Variants in TPST1 observed in about 807,000 individuals in gnomAD.
The protein encoded by TPST1 is protein-tyrosine sulfotransferase 1.
Under a neutral mutation model 34.8 loss-of-function variants are expected in TPST1, and 20 were observed. That is an observed-to-expected ratio of 0.57 (90% CI 0.40 to 0.84). The LOEUF is 0.84. Among genes scored for constraint, TPST1 ranks in the 40% least tolerant of loss-of-function variants. The pLI, the probability that TPST1 is intolerant of heterozygous loss-of-function variation, is 0.00. For synonymous variants in TPST1, 152 were observed against 159.4 expected (o/e 0.95, Z 0.35); for missense variants, 353 against 455.5 (o/e 0.78, Z 2.05).
At chr7:66,208,577 T>G (rs1789180038) in intron 1 of TPST1, among the ~76,000 whole-genome samples, 1 of 152,146 alleles carries the variant, frequency 6.6e-6, no homozygotes, top group Admixed American at 6.6e-5. Context: ...TGAGTGATTC[T>G]CGTACCTCAG....
intron 2 of TPST1, among the ~76,000 whole-genome samples, chr7:66,284,534 A>G (rs1790994818): frequency 6.8e-6 from 1 of 147,012 alleles, no homozygotes; most frequent in African/African-American, 2.5e-5. Context: ...GCCTTATCTA[A>G]TTGGCCACTG....
At chr7:66,214,376 T>C (rs946677670) in intron 1 of TPST1, among the ~76,000 whole-genome samples, 3 of 151,060 alleles carry the variant, frequency 2.0e-5, no homozygotes, top group African/African-American at 7.3e-5. Context: ...TATTTACTAA[T>C]TTTTTTGTAA....
intron 3 of TPST1, among the ~76,000 whole-genome samples, chr7:66,305,749 G>A (rs1033423153): frequency 2.0e-5 from 3 of 152,226 alleles, no homozygotes; most frequent in Admixed American, 6.5e-5. Flanking sequence ...CAGCTGCTGC[G>A]AGTTTTCTTT....
chr7:66,355,552 T>A (rs994460587), intron 4 of TPST1, among the ~76,000 whole-genome samples: 5 of 151,782 alleles, frequency 3.3e-5, no homozygotes, highest in East Asian at 1.9e-4. Flanking sequence ...AATTTTTTTT[T>A]AAATTGGGCA....
At chr7:66,269,796 G>A (rs6945843) in intron 2 of TPST1, among the ~76,000 whole-genome samples, 88,355 of 151,836 alleles carry the variant, frequency 0.58, 25,918 homozygotes, top group African/African-American at 0.64. Flanking sequence ...CCAAGAGCTG[G>A]GATGTAGGAA....
At chr7:66,331,698 A>G (rs1451862768) in intron 3 of TPST1, among the ~76,000 whole-genome samples, 2 of 152,058 alleles carry the variant, frequency 1.3e-5, no homozygotes, top group Non-Finnish European at 2.9e-5. Flanking sequence ...TTTACTAAAA[A>G]CTTAAGGCTT....
At chr7:66,343,252 A>G (rs1157665390) in intron 3 of TPST1, among the ~76,000 whole-genome samples, 2 of 152,228 alleles carry the variant, frequency 1.3e-5, no homozygotes, top group Non-Finnish European at 2.9e-5. Flanking sequence ...TGTGATTGTA[A>G]CAACGTGGGT....
chr7:66,227,030 T>TTTTTTTTTC (rs1789671928), intron 1 of TPST1, among the ~76,000 whole-genome samples: 1 of 114,948 alleles, frequency 8.7e-6, no homozygotes, highest in African/African-American at 3.6e-5. Flanking sequence ...AAAATAAGCT[T>TTTTTTTTTC]TTTTTTTTTT....
chr7:66,307,449 C>T (rs970007783), intron 3 of TPST1, among the ~76,000 whole-genome samples: 1 of 152,100 alleles, frequency 6.6e-6, no homozygotes, highest in African/African-American at 2.4e-5. Flanking sequence ...AAGTACTTGA[C>T]CAGAAGCAGT....
intron 2 of TPST1, among the ~76,000 whole-genome samples, chr7:66,272,247 G>T (rs1213714802): frequency 6.6e-6 from 1 of 152,130 alleles, no homozygotes; most frequent in Non-Finnish European, 1.5e-5. Context: ...AAATTCATCA[G>T]CACATTTATA....
chr7:66,354,903 G>A (rs1240285551), intron 4 of TPST1, among the ~76,000 whole-genome samples: 1 of 151,768 alleles, frequency 6.6e-6, no homozygotes, highest in Non-Finnish European at 1.5e-5. Flanking sequence ...TGAGGTGGGA[G>A]GATCACCTGA....
chr7:66,224,901 C>CTTTTTTTTTTTTTTTTTTTTTTTTTTTT (rs780952403), intron 1 of TPST1, among the ~76,000 whole-genome samples: 2 of 42,408 alleles, frequency 4.7e-5, no homozygotes, highest in Non-Finnish European at 7.8e-5. Flanking sequence ...TTCTGGTATT[C>CTTTTTTTTTTTTTTTTTTTTTTTTTTTT]TTTTTTTTTT....
At chr7:66,210,983 AC>A (rs1457350734) in intron 1 of TPST1, among the ~76,000 whole-genome samples, 1 of 151,558 alleles carries the variant, frequency 6.6e-6, no homozygotes, top group African/African-American at 2.4e-5. Flanking sequence ...TGCCACACAC[AC>A]GCGCGCGCAC....
At chr7:66,252,323 G>T (rs1255201482) in intron 2 of TPST1, among the ~76,000 whole-genome samples, 2 of 146,372 alleles carry the variant, frequency 1.4e-5, no homozygotes, top group Non-Finnish European at 3.0e-5. Flanking sequence ...CTCCCAAAGT[G>T]CTGGGATTAC....
chr7:66,309,278 G>A (rs1791483325), intron 3 of TPST1, among the ~76,000 whole-genome samples: 1 of 152,200 alleles, frequency 6.6e-6, no homozygotes, highest in African/African-American at 2.4e-5. Flanking sequence ...ATGGATCCAG[G>A]TTTTGGCCAA....
At chr7:66,281,527 C>T (rs1008421887) in intron 2 of TPST1, among the ~76,000 whole-genome samples, 5 of 152,170 alleles carry the variant, frequency 3.3e-5, no homozygotes, top group Admixed American at 3.3e-4. Context: ...GTCTGTAGAA[C>T]ACATTTTCAC....
chr7:66,228,770 G>A (rs779391544), intron 1 of TPST1, among the ~76,000 whole-genome samples: 3 of 151,998 alleles, frequency 2.0e-5, no homozygotes, highest in Non-Finnish European at 4.4e-5. Context: ...CTATCACACC[G>A]AATCTATTAT....
intron 2 of TPST1, among the ~76,000 whole-genome samples, chr7:66,252,549 G>A (rs1419733334): frequency 2.0e-5 from 3 of 151,074 alleles, no homozygotes; most frequent in African/African-American, 4.9e-5. Context: ...TAGCCAGGAT[G>A]ATCTCGATCT....
intron 3 of TPST1, among the ~76,000 whole-genome samples, chr7:66,299,758 A>T (rs1329766030): frequency 6.6e-6 from 1 of 152,038 alleles, no homozygotes; most frequent in Non-Finnish European, 1.5e-5. Context: ...TTTGCTCTTT[A>T]CCCATTCTGT....
Sources: gnomAD v4.1 joint callset for allele counts (sites outside exome capture counted in the v4.1 genomes callset) on GRCh38, gnomAD v4.1.1 for gene constraint, MANE v1.5 for transcripts, NCBI Gene and HGNC (gene_info 2026-07-23, HGNC 2026-07-21) for gene names.